FAM193A: variants seen among roughly 807,000 people sequenced by gnomAD.
FAM193A encodes the protein protein FAM193A.
A neutral mutation model predicts 126.5 loss-of-function variants in FAM193A; 22 were observed. That is an observed-to-expected ratio of 0.17 (90% CI 0.12 to 0.25). The LOEUF is 0.25. Among genes scored for constraint, FAM193A ranks in the 10% least tolerant of loss-of-function variants. FAM193A has a pLI of 1.00. For synonymous variants in FAM193A, 761 were observed against 646.8 expected (o/e 1.18, Z -2.68); for missense variants, 1,675 against 1,672.8 (o/e 1.00, Z -0.02).
At chr4:2,645,776 C>G (rs946295034) in intron 6 of FAM193A, among the ~76,000 whole-genome samples, 2 of 152,184 alleles carry the variant, frequency 1.3e-5, no homozygotes, top group Non-Finnish European at 2.9e-5. Flanking sequence ...ATCCCCTCGC[C>G]TAGGCCTCCC....
chr4:2,617,176 A>G (rs866940603), intron 2 of FAM193A, among the ~76,000 whole-genome samples: 1 of 129,834 alleles, frequency 7.7e-6, no homozygotes. Flanking sequence ...TCCAAAAAAA[A>G]AAAAATTAAA....
At position 2,657,857 on chromosome 4, in the gene FAM193A, CAAA is replaced by C. The variant is rs754841738; in HGVS notation, c.1367_1369del (p.Gln456del). 5.6e-6 allele frequency: 9 copies of C among 1,611,310 alleles called. No individual in the cohort carries two copies. Among genetic ancestry groups the C allele is most frequent in the Non-Finnish European group, 7.6e-6 (9 of 1,178,492 alleles). On this transcript the variant is annotated inframe_deletion, in exon 8 of 21. Coordinates refer to ENST00000637812, the MANE Select transcript of FAM193A (RefSeq NM_001366318.2). ...AACAGAAGACTGGGAGCTTTTTAAA[CAAA>C]GAAGATTCATTGAAGAACAGGTAAG...
intron 7 of FAM193A, among the ~76,000 whole-genome samples, chr4:2,655,562 C>G (rs774384750): frequency 6.6e-6 from 1 of 152,092 alleles, no homozygotes; most frequent in African/African-American, 2.4e-5. Flanking sequence ...TCTGCAGCCT[C>G]GAACTCCTGG....
At chr4:2,700,567 G>T (rs948727948) in intron 19 of FAM193A, 23 bp downstream of exon 19, 1 of 1,590,456 alleles carries the variant, frequency 6.3e-7, no homozygotes. Flanking sequence ...TAGCGGGAAG[G>T]TATTTCTGAG....
chr4:2,661,108 G>C (rs988479649), intron 10 of FAM193A, among the ~76,000 whole-genome samples: 2 of 152,162 alleles, frequency 1.3e-5, no homozygotes, highest in East Asian at 3.8e-4. Context: ...ATGGTCTCTT[G>C]TGTCACGTGT....
chr4:2,690,212 C>T (rs1368146122), intron 14 of FAM193A, among the ~76,000 whole-genome samples: 1 of 152,218 alleles, frequency 6.6e-6, no homozygotes, highest in African/African-American at 2.4e-5. Flanking sequence ...GCCGTTACTT[C>T]AGTCACAGGG....
chr4:2,687,418 A>G (rs1715869373), intron 13 of FAM193A, among the ~76,000 whole-genome samples: 1 of 152,204 alleles, frequency 6.6e-6, no homozygotes, highest in Non-Finnish European at 1.5e-5. Flanking sequence ...ACTAAAGCAC[A>G]AAAAGATTGA....
chr4:2,716,359 C>A (rs571878019), intron 20 of FAM193A, among the ~76,000 whole-genome samples: 7 of 152,192 alleles, frequency 4.6e-5, no homozygotes, highest in East Asian at 1.9e-4. Context: ...GGCTTCCCCC[C>A]CACCCTTCCC....
In FAM193A at chr4:2,536,653, T is replaced by TA. The variant is rs1205856455; in HGVS notation, c.-263_-262insA. 1 of 144,162 alleles carries TA rather than the reference T, an allele frequency of 6.9e-6. No homozygotes were observed. The highest frequency in any genetic ancestry group is 2.5e-5 in the African/African-American group (1 of 39,304). The allele number at this position is 144,162 out of a possible 1,614,324, so 8.9% of individuals were successfully genotyped here. ...TCCCCCGACGTAAACTGGGATCCCT[T>TA]TCCCCTTGTGTCCGCCATATTGGAC... On this transcript the variant is annotated 5_prime_UTR_variant, in exon 1 of 21. Coordinates refer to ENST00000637812, the MANE Select transcript of FAM193A (RefSeq NM_001366318.2).
In FAM193A at chr4:2,563,904, A is replaced by G. The variant is rs148567868; in HGVS notation, c.255+26734A>G. 2.6e-3 allele frequency among the ~76,000 whole-genome samples: 394 copies of G among 152,284 alleles called. 1 individual carries two copies. Among genetic ancestry groups the G allele is most frequent in the African/African-American group, 8.9e-3 (370 of 41,574 alleles). ...CACCTATAAATTTTCAGCTGTATTT[A>G]AAGTCATGCACTACACAATCTAGTA... On this transcript the variant is annotated intron_variant, in intron 1 of 20. Coordinates refer to ENST00000637812, the MANE Select transcript of FAM193A (RefSeq NM_001366318.2).
intron 2 of FAM193A, among the ~76,000 whole-genome samples, chr4:2,602,861 C>A (rs1275191970): frequency 3.4e-5 from 5 of 147,352 alleles, no homozygotes; most frequent in Non-Finnish European, 7.4e-5. Flanking sequence ...TGGGTTTCAC[C>A]ATGTTAGCCA....
At chr4:2,644,820 CTTGT>C (rs1001863699) in intron 6 of FAM193A, among the ~76,000 whole-genome samples, 4 of 152,156 alleles carry the variant, frequency 2.6e-5, no homozygotes, top group Non-Finnish European at 4.4e-5. Context: ...TTCCACATAG[CTTGT>C]TTATTATAAA....
intron 5 of FAM193A, 69 bp from the exon 6 acceptor site, chr4:2,639,666 C>T: frequency 7.4e-7 from 1 of 1,356,178 alleles, no homozygotes; most frequent in Non-Finnish European, 1.0e-6. Flanking sequence ...GAGGGAATCC[C>T]TCTGGGAATT....
In FAM193A at chr4:2,693,849, A is replaced by C; in HGVS notation, c.3067A>C (p.Ile1023Leu). 1.9e-6 allele frequency: 3 copies of C among 1,614,146 alleles called. No individual in the cohort carries two copies. The highest frequency in any genetic ancestry group is 2.5e-6 in the Non-Finnish European group (3 of 1,179,976). The change falls in exon 16 of 21, where the codon ATT (isoleucine) becomes CTT (leucine). Residue 1023 changes from isoleucine to leucine, a missense_variant. Around this residue, in one of 4 missense-constraint regions of FAM193A, gnomAD observed 1,186 missense variants for 1,109.2 expected, o/e 1.07. Coordinates refer to ENST00000637812, the MANE Select transcript of FAM193A (RefSeq NM_001366318.2). ...APLPPATDGSISAPPSVCSDP... is the reference protein window; with the variant it reads ...APLPPATDGSLSAPPSVCSDP... ...CCTACCCCCGGCCACAGATGGCTCC[A>C]TTAGCGCCCCTCCAAGTGTCTGCAG... is the stretch of plus-strand genomic sequence containing the variant.
chr4:2,549,086 G>C (rs1228147860), intron 1 of FAM193A, among the ~76,000 whole-genome samples: 1 of 150,478 alleles, frequency 6.6e-6, no homozygotes, highest in Non-Finnish European at 1.5e-5. Flanking sequence ...TAACAGGCGT[G>C]TGCCATCATG....
intron 17 of FAM193A, 60 bp from the exon 18 acceptor site, chr4:2,696,303 C>T (rs1717027953): frequency 8.5e-7 from 1 of 1,170,866 alleles, no homozygotes; most frequent in East Asian, 2.4e-5. Context: ...GAGGTGTGGT[C>T]TGAAATTTAT....
intron 20 of FAM193A, among the ~76,000 whole-genome samples, chr4:2,730,768 C>T (rs948699187): frequency 6.6e-5 from 10 of 152,014 alleles, no homozygotes; most frequent in African/African-American, 9.7e-5. Flanking sequence ...TGGTATGCAC[C>T]TGTAGTCCTA....
At chr4:2,706,457 C>T (rs892853308) in intron 19 of FAM193A, among the ~76,000 whole-genome samples, 11 of 151,788 alleles carry the variant, frequency 7.2e-5, no homozygotes, top group African/African-American at 2.4e-4. Context: ...CCACCACACC[C>T]GGCTAATTTT....
At chr4:2,679,362 T>C (rs1714816997) in intron 13 of FAM193A, among the ~76,000 whole-genome samples, 1 of 151,006 alleles carries the variant, frequency 6.6e-6, no homozygotes, top group Non-Finnish European at 1.5e-5. Context: ...GATACTCGTT[T>C]GTAGTTTTCT....
Sources: gnomAD v4.1 joint callset for allele counts (sites outside exome capture counted in the v4.1 genomes callset) on GRCh38, gnomAD v4.1.1 for gene constraint, gnomAD v4.1.1 regional missense constraint, MANE v1.5 for transcripts, NCBI Gene and HGNC (gene_info 2026-07-23, HGNC 2026-07-21) for gene names.